Variants in GUCY1A2 observed in about 807,000 individuals in gnomAD.
GUCY1A2 encodes the protein guanylate cyclase 1 soluble subunit alpha 2, also known as guanylate cyclase soluble subunit alpha-2.
In GUCY1A2, 27 loss-of-function variants were observed where a neutral mutation model predicts 63.5. The observed-to-expected ratio is 0.43, with a 90% CI of 0.31 to 0.59. The LOEUF (loss-of-function observed/expected upper bound fraction) is 0.59. GUCY1A2 is among the 20% of genes least tolerant of loss of function. The probability of loss-of-function intolerance (pLI) is 0.11; values close to 1 mark genes in which losing one functional copy is unlikely to be tolerated. For synonymous variants in GUCY1A2, 364 were observed against 343.5 expected (o/e 1.06, Z -0.66); for missense variants, 768 against 913.3 (o/e 0.84, Z 2.05).
chr11:106,816,861 C>T (rs527888129), intron 4 of GUCY1A2, among the ~76,000 whole-genome samples: 1 of 151,456 alleles, frequency 6.6e-6, no homozygotes, highest in East Asian at 2.0e-4. Context: ...ATGAACCAAT[C>T]CCTTGAAAAA....
intron 4 of GUCY1A2, among the ~76,000 whole-genome samples, chr11:106,880,666 G>C (rs1390841654): frequency 6.6e-6 from 1 of 152,032 alleles, no homozygotes; most frequent in East Asian, 1.9e-4. Flanking sequence ...AGGTTCAGTT[G>C]TCAAAAAATT....
chr11:107,005,259 T>C (rs748878054), intron 1 of GUCY1A2, among the ~76,000 whole-genome samples: 1 of 152,218 alleles, frequency 6.6e-6, no homozygotes, highest in Non-Finnish European at 1.5e-5. Flanking sequence ...TTGGTAATTT[T>C]TTAAATGTGA....
At chr11:106,973,957 T>C (rs918046930) in intron 3 of GUCY1A2, among the ~76,000 whole-genome samples, 4 of 152,074 alleles carry the variant, frequency 2.6e-5, no homozygotes, top group Non-Finnish European at 5.9e-5. Context: ...GCAATTATAT[T>C]ATCTCCATTT....
At chr11:106,854,365 G>C (rs1249261397) in intron 4 of GUCY1A2, among the ~76,000 whole-genome samples, 1 of 152,178 alleles carries the variant, frequency 6.6e-6, no homozygotes, top group Non-Finnish European at 1.5e-5. Context: ...CTGTCTCTGG[G>C]GGCCTGGGAA....
intron 6 of GUCY1A2, among the ~76,000 whole-genome samples, chr11:106,715,441 G>A (rs542936912): frequency 3.3e-5 from 5 of 152,236 alleles, no homozygotes; most frequent in South Asian, 4.1e-4. Context: ...CGAGTTCAGC[G>A]CATTATAAAA....
intron 5 of GUCY1A2, among the ~76,000 whole-genome samples, chr11:106,799,421 G>C (rs942459261): frequency 6.6e-6 from 1 of 152,044 alleles, no homozygotes; most frequent in Non-Finnish European, 1.5e-5. Flanking sequence ...GGAACCAAAA[G>C]AGAGCCCTCA....
Position 106,678,176 on chromosome 11 carries a change from C to T in GUCY1A2, c.*9373G>A. 1 of 197,258 alleles carries T rather than the reference C, an allele frequency of 5.1e-6. No individual in the cohort carries two copies. Among genetic ancestry groups the T allele is most frequent in the Non-Finnish European group, 1.1e-5 (1 of 95,106 alleles). 12.2% of individuals were successfully genotyped at this position (197,258 alleles called of 1,614,324 possible). ...ATAATTATACAGTCCTCTAGTTTAT[C>T]TAGACCTTCTTGGCTAGAGTTTGAT... On this transcript the variant is annotated 3_prime_UTR_variant, in exon 8 of 8. Coordinates refer to ENST00000526355, the MANE Select transcript of GUCY1A2 (RefSeq NM_000855.3).
intron 3 of GUCY1A2, among the ~76,000 whole-genome samples, chr11:106,952,732 C>T (rs1362263972): frequency 6.6e-6 from 1 of 152,022 alleles, no homozygotes; most frequent in Non-Finnish European, 1.5e-5. Context: ...CCTCCACCTC[C>T]TGGGTTCAAG....
intron 6 of GUCY1A2, 39 bp from the exon 7 acceptor site, chr11:106,708,705 T>C (rs752359917): frequency 7.0e-7 from 1 of 1,434,718 alleles, no homozygotes; most frequent in Non-Finnish European, 9.5e-7. Context: ...CATATTTGTT[T>C]CCATTTGGTA....
rs188653036 is a variant in GUCY1A2, at chr11:106,890,297, T to C, written c.1206+49163A>G. On this transcript the variant is annotated intron_variant, in intron 4 of 7. Transcript: ENST00000526355. ...TGTAATTGCATAACCAGCAACCTGT[T>C]CTAGCTAATTTAAGTAACTTCTCCT... Among the ~76,000 whole-genome samples the C allele has an allele frequency of 2.9e-3, 435 of 152,316 alleles. 2 individuals are homozygous for C. The highest frequency in any genetic ancestry group is 3.8e-3 in the Non-Finnish European group (261 of 68,016).
At chr11:106,791,477 TTGTG>T (rs3042503) in intron 5 of GUCY1A2, among the ~76,000 whole-genome samples, 1 of 151,078 alleles carries the variant, frequency 6.6e-6, no homozygotes, top group African/African-American at 2.4e-5. Context: ...ATGGAGGTAT[TTGTG>T]TGTGTGTGTG....
At position 106,677,166 on chromosome 11, in the gene GUCY1A2, C is replaced by T. The variant is rs1591224996; in HGVS notation, c.*10383G>A. On this transcript the variant is annotated 3_prime_UTR_variant, in exon 8 of 8. Coordinates refer to ENST00000526355, the MANE Select transcript of GUCY1A2 (RefSeq NM_000855.3). ...TTATAAGAGCTAGAAAGAAATAAAG[C>T]AAAGAGGGAGGGAAGGAAAGGAAGG... 10 of 218,880 alleles carry T rather than the reference C, an allele frequency of 4.6e-5. 1 individual carries two copies. In the East Asian group the frequency reaches 6.6e-4, roughly 14 times the overall value. The allele number at this position is 218,880 out of a possible 1,614,324, so 13.6% of individuals were successfully genotyped here.
At chr11:106,954,366 G>A (rs60433547) in intron 3 of GUCY1A2, among the ~76,000 whole-genome samples, 17,517 of 152,166 alleles carry the variant, frequency 0.12, 1,327 homozygotes, top group Middle Eastern at 0.22. Flanking sequence ...TTGCACTGTG[G>A]TCCAAGAAAC....
chr11:106,854,627 G>A (rs146270366), intron 4 of GUCY1A2, among the ~76,000 whole-genome samples: 1,953 of 152,288 alleles, frequency 0.013, 27 homozygotes, highest in South Asian at 0.048. Context: ...TGGCGATCAG[G>A]GCAGGCCTGC....
At chr11:106,751,913 T>C (rs192295294) in intron 6 of GUCY1A2, among the ~76,000 whole-genome samples, 149 of 152,302 alleles carry the variant, frequency 9.8e-4, no homozygotes, top group Admixed American at 1.9e-3. Context: ...TCTACATTGA[T>C]AAATCTGTTT....
At chr11:106,758,922 G>A (rs1001675249) in intron 6 of GUCY1A2, among the ~76,000 whole-genome samples, 1 of 152,110 alleles carries the variant, frequency 6.6e-6, no homozygotes, top group Non-Finnish European at 1.5e-5. Context: ...AATAGTGTTG[G>A]GGAGGGGTGT....
intron 4 of GUCY1A2, chr11:106,936,610 C>G: frequency 1.7e-6 from 2 of 1,155,418 alleles, no homozygotes; most frequent in Non-Finnish European, 2.5e-6. Context: ...GTGATAGAAT[C>G]AAAGCTTGGT....
rs5794487 is a variant in GUCY1A2, at chr11:106,722,784, C to CTGTG, written c.1837-14122_1837-14119dup. ...ACAAAATAGTCATCAAAGACCAGTTCTGTGTGTGTGTGTGTGTGTGTGTGT... is the reference window on the plus strand; with the variant it reads ...ACAAAATAGTCATCAAAGACCAGTTCTGTGTGTGTGTGTGTGTGTGTGTGTGTGT... On this transcript the variant is annotated intron_variant, in intron 6 of 7. Coordinates refer to ENST00000526355, the MANE Select transcript of GUCY1A2 (RefSeq NM_000855.3). Among the ~76,000 whole-genome samples the CTGTG allele has an allele frequency of 4.8e-3, 710 of 148,956 alleles. 1 individual carries two copies. Among genetic ancestry groups the CTGTG allele is most frequent in the Middle Eastern group, 0.017 (5 of 290 alleles).
intron 4 of GUCY1A2, among the ~76,000 whole-genome samples, chr11:106,928,090 A>C (rs765036787): frequency 2.6e-5 from 4 of 152,212 alleles, no homozygotes; most frequent in Non-Finnish European, 5.9e-5. Context: ...TACCTTATTC[A>C]TAGTAACATC....
Sources: gnomAD v4.1 joint callset for allele counts (sites outside exome capture counted in the v4.1 genomes callset) on GRCh38, gnomAD v4.1.1 for gene constraint, MANE v1.5 for transcripts, NCBI Gene and HGNC (gene_info 2026-07-23, HGNC 2026-07-21) for gene names.